CTNNA3: variants seen among roughly 807,000 people sequenced by gnomAD.
The protein encoded by CTNNA3 is catenin alpha-3.
In CTNNA3, 76 loss-of-function variants were observed where a neutral mutation model predicts 95.7. The observed-to-expected ratio is 0.79, with a 90% CI of 0.66 to 0.96. The LOEUF is 0.96. Ranked by LOEUF, CTNNA3 falls within the 40% of genes least tolerant of loss-of-function variation. The pLI is 0.00. For missense variants in CTNNA3, 1,191 were observed against 1,089.8 expected (o/e 1.09, Z -1.31); for synonymous variants, 431 against 374.4 (o/e 1.15, Z -1.74).
At chr10:66,833,456 T>C (rs558628685) in intron 7 of CTNNA3, among the ~76,000 whole-genome samples, 1 of 152,362 alleles carries the variant, frequency 6.6e-6, no homozygotes, top group Admixed American at 6.5e-5. Flanking sequence ...ATTACATTTC[T>C]AGGAGGTTTT....
At chr10:67,504,098 A>C (rs1169904321) in intron 5 of CTNNA3, among the ~76,000 whole-genome samples, 5 of 150,292 alleles carry the variant, frequency 3.3e-5, no homozygotes, top group African/African-American at 1.2e-4. Context: ...TGGAGCTTGC[A>C]GTGAGCCGAG....
chr10:66,456,068 T>C (rs2093493147), intron 11 of CTNNA3, among the ~76,000 whole-genome samples: 1 of 152,146 alleles, frequency 6.6e-6, no homozygotes, highest in African/African-American at 2.4e-5. Context: ...AATTGAGACA[T>C]ATGATGTTCA....
chr10:66,617,897 A>G (rs1305285728), intron 10 of CTNNA3, among the ~76,000 whole-genome samples: 1 of 151,238 alleles, frequency 6.6e-6, no homozygotes, highest in African/African-American at 2.4e-5. Flanking sequence ...AAAAATCACA[A>G]GCATTCTTAT....
intron 13 of CTNNA3, among the ~76,000 whole-genome samples, chr10:66,253,587 C>A (rs577675166): frequency 6.6e-6 from 1 of 152,274 alleles, no homozygotes; most frequent in South Asian, 2.1e-4. Flanking sequence ...AGCAGGCAGG[C>A]ACCTCAAACT....
chr10:67,746,421 A>C (rs1841375295), intron 1 of CTNNA3, among the ~76,000 whole-genome samples: 1 of 152,154 alleles, frequency 6.6e-6, no homozygotes, highest in Non-Finnish European at 1.5e-5. Flanking sequence ...GGCTAACTAG[A>C]AACAGCTACA....
chr10:67,681,238 A>C (rs1564826076), intron 1 of CTNNA3, among the ~76,000 whole-genome samples: 1 of 152,192 alleles, frequency 6.6e-6, no homozygotes, highest in Non-Finnish European at 1.5e-5. Context: ...AGGACAGAAA[A>C]GAATATGGAG....
chr10:67,262,437 G>A (rs151282994), intron 5 of CTNNA3, among the ~76,000 whole-genome samples: 1 of 152,108 alleles, frequency 6.6e-6, no homozygotes, highest in African/African-American at 2.4e-5. Flanking sequence ...GAAAGGGGAG[G>A]AAAGCTTATT....
chr10:67,060,022 A>T (rs1855670092), intron 7 of CTNNA3, among the ~76,000 whole-genome samples: 1 of 152,166 alleles, frequency 6.6e-6, no homozygotes, highest in African/African-American at 2.4e-5. Flanking sequence ...GATGATAAAA[A>T]TGTCTTTTTT....
chr10:66,110,382 A>T (rs1041470146), intron 13 of CTNNA3, among the ~76,000 whole-genome samples: 2 of 148,714 alleles, frequency 1.3e-5, no homozygotes, highest in Non-Finnish European at 3.0e-5. Flanking sequence ...AAAAAAAAAA[A>T]TTCAAATCAA....
chr10:67,688,084 T>A (rs927383658), intron 1 of CTNNA3, among the ~76,000 whole-genome samples: 2 of 152,208 alleles, frequency 1.3e-5, no homozygotes, highest in Non-Finnish European at 2.9e-5. Flanking sequence ...CCTAATAGCA[T>A]GATATCTCTC....
intron 13 of CTNNA3, among the ~76,000 whole-genome samples, chr10:66,120,373 T>C (rs1451568652): frequency 6.6e-6 from 1 of 152,170 alleles, no homozygotes; most frequent in Non-Finnish European, 1.5e-5. Flanking sequence ...CTGACTTATG[T>C]CAATAAATAT....
chr10:67,739,363 A>C lies in CTNNA3; in HGVS notation c.-2+24071T>G, dbSNP rs540427847. On this transcript the variant is annotated intron_variant, in intron 1 of 17. Coordinates refer to the CTNNA3 transcript ENST00000684154. The stretch of plus-strand genomic sequence containing the variant: ...ATTCAATTAGGAAAAGAGGAAGTTA[A>C]ATTGTCCCTGTTTGCAGATGACATG... Among the ~76,000 whole-genome samples, 12 of 152,258 alleles carry C rather than the reference A, an allele frequency of 7.9e-5. No homozygotes were observed. The East Asian group carries it at 2.3e-3, about 29-fold the overall frequency.
chr10:66,404,519 T>G (rs1376647935), intron 11 of CTNNA3, among the ~76,000 whole-genome samples: 2 of 152,198 alleles, frequency 1.3e-5, no homozygotes, highest in African/African-American at 4.8e-5. Context: ...ACAGTACTTT[T>G]TAATGTCCTG....
At chr10:67,618,692 A>C (rs537670518) in intron 2 of CTNNA3, among the ~76,000 whole-genome samples, 4 of 152,222 alleles carry the variant, frequency 2.6e-5, no homozygotes, top group Non-Finnish European at 5.9e-5. Flanking sequence ...CATCAAAGAT[A>C]GTGATTAGAT....
chr10:67,300,226 G>A (rs1168604961), intron 5 of CTNNA3, among the ~76,000 whole-genome samples: 3 of 152,098 alleles, frequency 2.0e-5, no homozygotes, highest in Non-Finnish European at 2.9e-5. Flanking sequence ...GATGCTTACA[G>A]GTCAAAACTC....
At chr10:67,347,591 C>T (rs1253109650) in intron 5 of CTNNA3, among the ~76,000 whole-genome samples, 1 of 152,044 alleles carries the variant, frequency 6.6e-6, no homozygotes, top group Non-Finnish European at 1.5e-5. Flanking sequence ...GTCTGCTGAA[C>T]TCAGAAGTAA....
At chr10:66,581,409 G>A (rs893099914) in intron 10 of CTNNA3, among the ~76,000 whole-genome samples, 1 of 84,570 alleles carries the variant, frequency 1.2e-5, no homozygotes, top group Non-Finnish European at 3.3e-5. Context: ...AGCATCTTTT[G>A]GGGATTTTTT....
At chr10:67,569,019 T>C (rs1841901357) in intron 3 of CTNNA3, among the ~76,000 whole-genome samples, 1 of 152,158 alleles carries the variant, frequency 6.6e-6, no homozygotes, top group Non-Finnish European at 1.5e-5. Flanking sequence ...TGAAAGAGAA[T>C]GATGAACTCT....
intron 7 of CTNNA3, among the ~76,000 whole-genome samples, chr10:67,027,184 G>A (rs914221527): frequency 1.3e-5 from 2 of 152,064 alleles, no homozygotes; most frequent in African/African-American, 4.8e-5. Flanking sequence ...AGGAGCGTAG[G>A]AAGTAAAGGA....
Sources: allele counts gnomAD v4.1 joint callset (sites outside exome capture counted in the v4.1 genomes callset), GRCh38; gene constraint gnomAD v4.1.1; transcripts MANE v1.5; gene names NCBI Gene and HGNC (gene_info 2026-07-23, HGNC 2026-07-21).